AKAP19: variants seen among roughly 807,000 people sequenced by gnomAD.
The protein encoded by AKAP19 is small A-kinase anchoring protein.
the AKAP19 span, among the ~76,000 whole-genome samples, chr2:189,891,333 C>T: frequency 2.6e-4 from 39 of 148,186 alleles, no homozygotes; most frequent in South Asian, 7.8e-3. Flanking sequence ...AAGCGATTCC[C>T]CTGCCTCAGC....
chr2:190,053,960 C>T, the AKAP19 span, among the ~76,000 whole-genome samples: 3 of 152,002 alleles, frequency 2.0e-5, no homozygotes, highest in Non-Finnish European at 4.4e-5. Context: ...GGAGGGATCA[C>T]TTAAAAAATT....
chr2:189,924,078 C>T, the AKAP19 span: 2 of 1,560,662 alleles, frequency 1.3e-6, no homozygotes, highest in Non-Finnish European at 1.8e-6. Flanking sequence ...GATGACTCTG[C>T]TGAGGAGGGG....
At chr2:189,983,262 C>T in the AKAP19 span, among the ~76,000 whole-genome samples, 1 of 152,126 alleles carries the variant, frequency 6.6e-6, no homozygotes, top group African/African-American at 2.4e-5. Flanking sequence ...TACAGATGCA[C>T]CCTCTGAGGG....
At chr2:189,968,496 T>C in the AKAP19 span, among the ~76,000 whole-genome samples, 3 of 152,198 alleles carry the variant, frequency 2.0e-5, no homozygotes, top group Non-Finnish European at 4.4e-5. Context: ...TGCCTTGGCC[T>C]CCAAGAACAC....
chr2:190,038,374 T>A, the AKAP19 span, among the ~76,000 whole-genome samples: 4 of 152,152 alleles, frequency 2.6e-5, no homozygotes, highest in Non-Finnish European at 5.9e-5. Flanking sequence ...TCTGGAGAGG[T>A]CAGGATCTAG....
chr2:190,128,763 A>G, the AKAP19 span, among the ~76,000 whole-genome samples: 3 of 152,214 alleles, frequency 2.0e-5, no homozygotes, highest in African/African-American at 7.2e-5. Context: ...AAACAACAAA[A>G]CCCTCAATGT....
the AKAP19 span, among the ~76,000 whole-genome samples, chr2:189,933,684 G>C: frequency 2.0e-5 from 3 of 152,176 alleles, no homozygotes; most frequent in Non-Finnish European, 2.9e-5. Flanking sequence ...AGAGATGGGA[G>C]AATACCCAAC....
At chr2:190,189,502 T>C in the AKAP19 span, among the ~76,000 whole-genome samples, 5 of 152,194 alleles carry the variant, frequency 3.3e-5, no homozygotes, top group Non-Finnish European at 7.3e-5. Context: ...GAACAGTTGT[T>C]TTCTATCCTT....
chr2:190,056,175 A>G, the AKAP19 span: 2 of 152,660 alleles, frequency 1.3e-5, no homozygotes, highest in Non-Finnish European at 2.9e-5. Flanking sequence ...AAATATAAGT[A>G]GTTGCTTTTC....
At chr2:189,923,502 A>G in the AKAP19 span, 1 of 1,613,928 alleles carries the variant, frequency 6.2e-7, no homozygotes, top group Middle Eastern at 1.7e-4. Flanking sequence ...GCCTTCTTTC[A>G]GTATGTTAAT....
chr2:190,018,690 A>C, the AKAP19 span, among the ~76,000 whole-genome samples: 1 of 152,100 alleles, frequency 6.6e-6, no homozygotes, highest in East Asian at 1.9e-4. Flanking sequence ...TGGAGGAGTC[A>C]TGATTCCCTT....
the AKAP19 span, among the ~76,000 whole-genome samples, chr2:189,973,109 G>T: frequency 3.9e-4 from 60 of 152,140 alleles, no homozygotes; most frequent in African/African-American, 1.4e-3. Flanking sequence ...GTATGATATT[G>T]GCTGTGGGTT....
the AKAP19 span, among the ~76,000 whole-genome samples, chr2:190,140,232 G>A: frequency 6.6e-6 from 1 of 152,134 alleles, no homozygotes; most frequent in Non-Finnish European, 1.5e-5. Flanking sequence ...CTGCTTTCAT[G>A]GGCTGCTGTT....
the AKAP19 span, among the ~76,000 whole-genome samples, chr2:190,015,359 G>A: frequency 1.3e-5 from 2 of 152,154 alleles, no homozygotes; most frequent in Non-Finnish European, 2.9e-5. Flanking sequence ...AAGGTTTGGG[G>A]CTTATACCCT....
At chr2:189,984,024 T>C in the AKAP19 span, among the ~76,000 whole-genome samples, 4 of 151,818 alleles carry the variant, frequency 2.6e-5, no homozygotes, top group Admixed American at 2.6e-4. Context: ...CTTAATAGGG[T>C]AATAGAATAT....
chr2:189,904,806 C>T, the AKAP19 span, among the ~76,000 whole-genome samples: 4 of 152,098 alleles, frequency 2.6e-5, no homozygotes, highest in African/African-American at 9.6e-5. Context: ...GCCCTTGGCA[C>T]TTAGTGACCT....
the AKAP19 span, among the ~76,000 whole-genome samples, chr2:189,880,459 A>C: frequency 2.0e-5 from 3 of 152,318 alleles, no homozygotes; most frequent in Admixed American, 6.5e-5. Context: ...TGATTTTGAG[A>C]GCTATTTAAT....
the AKAP19 span, among the ~76,000 whole-genome samples, chr2:190,134,090 T>A: frequency 6.6e-6 from 1 of 152,186 alleles, no homozygotes; most frequent in Non-Finnish European, 1.5e-5. Flanking sequence ...ATACCATAAA[T>A]ATATATATTT....
At chr2:190,146,541 G>A in the AKAP19 span, among the ~76,000 whole-genome samples, 1 of 152,148 alleles carries the variant, frequency 6.6e-6, no homozygotes, top group African/African-American at 2.4e-5. Context: ...TGGATCAAAT[G>A]GTAGTTCTAC....
Sources: allele counts gnomAD v4.1 joint callset (sites outside exome capture counted in the v4.1 genomes callset), GRCh38; gene constraint gnomAD v4.1.1; transcripts MANE v1.5; gene names NCBI Gene and HGNC (gene_info 2026-07-23, HGNC 2026-07-21).